Variants in RPS6KA2 observed in about 807,000 individuals in gnomAD.
The protein encoded by RPS6KA2 is ribosomal protein S6 kinase alpha-2.
RPS6KA2 carries 42 observed loss-of-function variants against 91.8 expected under a neutral mutation model. The ratio of observed to expected loss-of-function variants is 0.46; its 90% CI spans 0.36 to 0.59. The LOEUF (loss-of-function observed/expected upper bound fraction) is 0.59, where lower values mean the gene tolerates loss of function less well. RPS6KA2 is among the 20% of genes least tolerant of loss of function. The pLI, the probability that RPS6KA2 is intolerant of heterozygous loss-of-function variation, is 0.00. For synonymous variants in RPS6KA2, 414 were observed against 393.6 expected, an observed-to-expected ratio of 1.05 and a Z score of -0.61; for missense variants, 798 against 978.5, an observed-to-expected ratio of 0.82 and a Z score of 2.46.
chr6:166,694,719 G>A (rs368401995), intron 2 of RPS6KA2, among the ~76,000 whole-genome samples: 188 of 152,306 alleles, frequency 1.2e-3, no homozygotes, highest in South Asian at 9.1e-3. Context: ...GCCTCTAGTC[G>A]AATCTACTGT....
chr6:166,822,544 T>A (rs1779930451), intron 2 of RPS6KA2, among the ~76,000 whole-genome samples: 1 of 152,124 alleles, frequency 6.6e-6, no homozygotes, highest in Non-Finnish European at 1.5e-5. Flanking sequence ...AGCTGCCGAG[T>A]CTGTGGTCCC....
chr6:166,478,851 C>A (rs1360118571), intron 10 of RPS6KA2, among the ~76,000 whole-genome samples: 3 of 152,208 alleles, frequency 2.0e-5, no homozygotes, highest in Non-Finnish European at 2.9e-5. Flanking sequence ...TCTGCCTCCT[C>A]AAATCCTCCT....
chr6:166,516,925 T>C (rs566839463), intron 3 of RPS6KA2, among the ~76,000 whole-genome samples: 1 of 152,338 alleles, frequency 6.6e-6, no homozygotes, highest in East Asian at 1.9e-4. Flanking sequence ...TAAGAGCATC[T>C]AAAAATCCTC....
At chr6:166,759,136 C>T (rs1000393728) in intron 2 of RPS6KA2, among the ~76,000 whole-genome samples, 2 of 152,120 alleles carry the variant, frequency 1.3e-5, no homozygotes, top group Non-Finnish European at 2.9e-5. Context: ...TACATACATA[C>T]TTCAGGTAAA....
chr6:166,849,187 C>T lies in RPS6KA2; in HGVS notation c.123+9013G>A, dbSNP rs1053109365. ...CTGTCTGTCTGTCTGGGACAATCCA[C>T]CCCTGGTCTTGCTGGTTGGTTTCTT... On this transcript the variant is annotated intron_variant, in intron 2 of 21. Coordinates refer to the RPS6KA2 transcript ENST00000503859. This position sits in a 1 kb window ranked among gnomAD's most constrained non-coding sequence, Gnocchi z 4.9. Among the ~76,000 whole-genome samples, 4 of 152,120 alleles carry T rather than the reference C, an allele frequency of 2.6e-5. No individual in the cohort carries two copies. Among genetic ancestry groups the T allele is most frequent in the Admixed American group, 2.6e-4 (4 of 15,272 alleles).
intron 3 of RPS6KA2, among the ~76,000 whole-genome samples, chr6:166,517,455 G>GTTTGTTTTTTTT (rs1782688393): frequency 9.5e-6 from 1 of 104,972 alleles, no homozygotes; most frequent in African/African-American, 4.4e-5. Context: ...CTTTTGTTTT[G>GTTTGTTTTTTTT]TTTTTTTTTT....
At chr6:166,723,047 A>G (rs1790224793) in intron 2 of RPS6KA2, among the ~76,000 whole-genome samples, 1 of 152,186 alleles carries the variant, frequency 6.6e-6, no homozygotes, top group Non-Finnish European at 1.5e-5. Context: ...CTCTGTGGAG[A>G]CTACAGTAAA....
At chr6:166,625,079 G>A (rs903434171) in intron 1 of RPS6KA2, among the ~76,000 whole-genome samples, 7 of 152,136 alleles carry the variant, frequency 4.6e-5, no homozygotes, top group Admixed American at 1.3e-4. Flanking sequence ...TAATCCGCCC[G>A]CCTTAGGCTC....
intron 3 of RPS6KA2, 31 bp from the exon 4 acceptor site, chr6:166,510,388 A>T (rs768965598): frequency 6.9e-7 from 1 of 1,451,874 alleles, no homozygotes; most frequent in Non-Finnish European, 9.5e-7. Context: ...GGCTTTCATG[A>T]GGCAGGAAAT....
intron 2 of RPS6KA2, among the ~76,000 whole-genome samples, chr6:166,706,132 C>G (rs1029600616): frequency 6.6e-6 from 1 of 152,156 alleles, no homozygotes; most frequent in East Asian, 1.9e-4. Context: ...TAAGCCACTC[C>G]GTTTATCGTT....
intron 10 of RPS6KA2, 60 bp from the exon 11 acceptor site, chr6:166,469,965 T>G: frequency 6.9e-7 from 1 of 1,455,222 alleles, no homozygotes; most frequent in East Asian, 2.3e-5. Flanking sequence ...TCTGACAGTT[T>G]CCAATGCAGC....
chr6:166,508,287 G>C lies in RPS6KA2; in HGVS notation c.380-5C>G, dbSNP rs766476794. 6.2e-7 allele frequency: 1 copy of C among 1,601,706 alleles called. No homozygotes were observed. The highest frequency in any genetic ancestry group is 8.6e-7 in the Non-Finnish European group (1 of 1,168,856). Reference sequence around the variant, plus strand: ...GCTTTCCTTCCGTCTGAAAGGCTGTGGGGGACAGAGACCCGCATTTTGACA... The same window carrying C: ...GCTTTCCTTCCGTCTGAAAGGCTGTCGGGGACAGAGACCCGCATTTTGACA... On this transcript the variant is annotated splice_polypyrimidine_tract_variant and splice_region_variant and intron_variant, in intron 4 of 20. Coordinates refer to ENST00000265678, the MANE Select transcript of RPS6KA2 (RefSeq NM_021135.6). The surrounding 1 kb of genome is among the most constrained non-coding windows in gnomAD (Gnocchi z 4.3).
chr6:166,676,722 T>G (rs1166362162), intron 2 of RPS6KA2, among the ~76,000 whole-genome samples: 2 of 152,238 alleles, frequency 1.3e-5, no homozygotes, highest in African/African-American at 4.8e-5. Context: ...CCACAGCACT[T>G]ACCACACTCT....
chr6:166,657,592 T>C (rs1035653148), intron 2 of RPS6KA2, among the ~76,000 whole-genome samples: 2 of 151,990 alleles, frequency 1.3e-5, no homozygotes, highest in Admixed American at 1.3e-4. Flanking sequence ...ATTTAGGAAG[T>C]TGTAGGAAGG....
intron 1 of RPS6KA2, among the ~76,000 whole-genome samples, chr6:166,615,777 C>A (rs1021686693): frequency 6.6e-6 from 1 of 152,096 alleles, no homozygotes; most frequent in Non-Finnish European, 1.5e-5. Context: ...GAGAGCACAC[C>A]CCCCCAGGAT....
intron 2 of RPS6KA2, among the ~76,000 whole-genome samples, chr6:166,660,228 C>T (rs1409999857): frequency 6.6e-6 from 1 of 152,132 alleles, no homozygotes; most frequent in Non-Finnish European, 1.5e-5. Flanking sequence ...CATAATTGTA[C>T]TGCCCATAAG....
At chr6:166,614,132 A>T (rs967140279) in intron 1 of RPS6KA2, among the ~76,000 whole-genome samples, 1 of 152,204 alleles carries the variant, frequency 6.6e-6, no homozygotes, top group African/African-American at 2.4e-5. Flanking sequence ...GTCTCCCTGG[A>T]CTGCCCTCTC....
chr6:166,633,512 C>T (rs1350535791), intron 2 of RPS6KA2, among the ~76,000 whole-genome samples: 1 of 152,226 alleles, frequency 6.6e-6, no homozygotes, highest in Non-Finnish European at 1.5e-5. Context: ...TAAATCTTCT[C>T]GTTGAGCTGA....
At chr6:166,527,712 C>G (rs1483717112) in intron 3 of RPS6KA2, among the ~76,000 whole-genome samples, 1 of 152,120 alleles carries the variant, frequency 6.6e-6, no homozygotes, top group Non-Finnish European at 1.5e-5. Flanking sequence ...CAGTTCCCAC[C>G]TCTCTCACCC....
Sources: allele counts gnomAD v4.1 joint callset (sites outside exome capture counted in the v4.1 genomes callset), GRCh38; gene constraint gnomAD v4.1.1; non-coding constraint Gnocchi (gnomAD v3.1); transcripts MANE v1.5; gene names NCBI Gene and HGNC (gene_info 2026-07-23, HGNC 2026-07-21).